Variants in MED13L observed in about 807,000 individuals in gnomAD.
MED13L encodes mediator complex subunit 13L, also known as mediator of RNA polymerase II transcription subunit 13-like.
MED13L carries 7 observed loss-of-function variants against 220.9 expected under a neutral mutation model. The observed-to-expected ratio is 0.03, with a 90% confidence interval of 0.02 to 0.06. MED13L has a LOEUF of 0.06. Ranked by LOEUF, MED13L falls within the 10% of genes least tolerant of loss-of-function variation. The pLI, the probability that MED13L is intolerant of heterozygous loss-of-function variation, is 1.00. For missense variants in MED13L, 1,965 were observed against 2,760.5 expected, an observed-to-expected ratio of 0.71 and a Z score of 6.46; for synonymous variants, 1,011 against 1,015.2, an observed-to-expected ratio of 1.00 and a Z score of 0.08.
intron 4 of MED13L, among the ~76,000 whole-genome samples, chr12:116,073,341 C>T (rs1215073738): frequency 6.6e-6 from 1 of 152,174 alleles, no homozygotes; most frequent in East Asian, 1.9e-4. Context: ...CTTGGGAAGT[C>T]TATTTGAGTT....
intron 2 of MED13L, among the ~76,000 whole-genome samples, chr12:116,112,045 A>C (rs1003753605): frequency 6.6e-6 from 1 of 152,158 alleles, no homozygotes; most frequent in Admixed American, 6.5e-5. Flanking sequence ...CAGAACATCA[A>C]ATTTATTTCC....
At chr12:116,032,534 C>T (rs1185713439) in intron 4 of MED13L, among the ~76,000 whole-genome samples, 1 of 152,174 alleles carries the variant, frequency 6.6e-6, no homozygotes, top group South Asian at 2.1e-4. Flanking sequence ...TGCATTCCAG[C>T]CTAATAAGCT....
chr12:116,004,787 A>G (rs749261464), intron 13 of MED13L, among the ~76,000 whole-genome samples: 1 of 152,162 alleles, frequency 6.6e-6, no homozygotes, highest in East Asian at 1.9e-4. Flanking sequence ...CTAAGTACTT[A>G]TAACAGTAAT....
intron 4 of MED13L, among the ~76,000 whole-genome samples, chr12:116,063,706 A>G (rs2137648500): frequency 6.6e-6 from 1 of 152,320 alleles, no homozygotes; most frequent in South Asian, 2.1e-4. Context: ...CCAAGGAAAA[A>G]AACTGTTTAT....
intron 2 of MED13L, among the ~76,000 whole-genome samples, chr12:116,128,255 C>G (rs867869893): frequency 3.9e-5 from 6 of 152,108 alleles, no homozygotes; most frequent in Non-Finnish European, 5.9e-5. Flanking sequence ...CATTGTGACC[C>G]TGAGGAAAAC....
intron 2 of MED13L, among the ~76,000 whole-genome samples, chr12:116,129,907 T>C (rs145705828): frequency 0.027 from 3,009 of 112,228 alleles, 51 homozygotes; most frequent in Middle Eastern, 0.08. Context: ...AGACTCAGTC[T>C]CAAAAAAAAA....
chr12:116,231,345 C>T (rs538204797), intron 2 of MED13L, among the ~76,000 whole-genome samples: 1 of 152,116 alleles, frequency 6.6e-6, no homozygotes, highest in Non-Finnish European at 1.5e-5. Flanking sequence ...TGATGTGATG[C>T]CGTGGAAAGG....
In MED13L at chr12:116,019,771, C is replaced by T; in HGVS notation, c.820+7G>A. Reference sequence around the variant, plus strand: ...TAAAGTTCTTCAGGCAAAATATTTTCTCTTACCAACAATTACTTCAACTGC... The same window carrying T: ...TAAAGTTCTTCAGGCAAAATATTTTTTCTTACCAACAATTACTTCAACTGC... On this transcript the variant is annotated splice_region_variant and intron_variant, in intron 6 of 30. Coordinates refer to ENST00000281928, the MANE Select transcript of MED13L (RefSeq NM_015335.5). 6.2e-7 allele frequency: 1 copy of T among 1,612,820 alleles called. No homozygotes were observed. Among genetic ancestry groups the T allele is most frequent in the Non-Finnish European group, 8.5e-7 (1 of 1,178,922 alleles).
At chr12:116,106,704 G>T (rs1873607650) in intron 3 of MED13L, among the ~76,000 whole-genome samples, 3 of 152,138 alleles carry the variant, frequency 2.0e-5, no homozygotes, top group Admixed American at 2.0e-4. Context: ...AAATTAGCCA[G>T]GTGTGGTGGT....
intron 18 of MED13L, 111 bp from the exon 19 acceptor site, chr12:115,986,600 A>G: frequency 2.0e-6 from 2 of 991,310 alleles, no homozygotes; most frequent in East Asian, 2.6e-5. Flanking sequence ...ATGTCACTCC[A>G]TGTTCACAAG....
At chr12:115,986,190 C>T (rs903149296) in intron 19 of MED13L, 76 bp downstream of exon 19, 1 of 1,413,986 alleles carries the variant, frequency 7.1e-7, no homozygotes, top group African/African-American at 1.4e-5. Flanking sequence ...AGACATTTGT[C>T]TTGAAATTTA....
intron 4 of MED13L, among the ~76,000 whole-genome samples, chr12:116,039,104 T>C (rs1196844492): frequency 1.3e-5 from 2 of 152,238 alleles, no homozygotes; most frequent in African/African-American, 4.8e-5. Context: ...CATAAAATTA[T>C]TTTCTGTGTC....
In MED13L at chr12:116,144,528, A is replaced by G. The variant is rs548284581; in HGVS notation, c.311-33016T>C. On this transcript the variant is annotated intron_variant, in intron 2 of 30. Transcript: ENST00000281928. ...AATCTTGGCTCAAAGCATGCTCAAT[A>G]TAAGTTCTGCATGTTTGTGGTTAAT... 3.9e-5 allele frequency among the ~76,000 whole-genome samples: 6 copies of G among 152,366 alleles called. No homozygotes were observed. In the East Asian group the frequency reaches 7.7e-4, roughly 20 times the overall value.
At chr12:116,241,896 G>A (rs1011013933) in intron 1 of MED13L, among the ~76,000 whole-genome samples, 1 of 152,000 alleles carries the variant, frequency 6.6e-6, no homozygotes, top group African/African-American at 2.4e-5. Context: ...TTAATGTTTG[G>A]TAAGAGAAAA....
At chr12:115,963,541 T>A in intron 29 of MED13L, 22 bp from the exon 30 acceptor site, 1 of 1,530,864 alleles carries the variant, frequency 6.5e-7, no homozygotes, top group Non-Finnish European at 9.0e-7. Context: ...ACAAAGAGAG[T>A]TACCTCTCTG....
intron 1 of MED13L, chr12:116,276,741 G>T: frequency 7.9e-7 from 1 of 1,273,060 alleles, no homozygotes; most frequent in Non-Finnish European, 1.0e-6. Context: ...AAGGGGAGGA[G>T]AAGGGGAGTG....
chr12:115,973,688 G>T (rs1876740538), intron 25 of MED13L, among the ~76,000 whole-genome samples: 1 of 152,158 alleles, frequency 6.6e-6, no homozygotes, highest in African/African-American at 2.4e-5. Context: ...AAAGCAGACT[G>T]GGGAGGAAGA....
At chr12:116,102,349 T>C (rs777254810) in intron 3 of MED13L, among the ~76,000 whole-genome samples, 1 of 152,222 alleles carries the variant, frequency 6.6e-6, no homozygotes, top group South Asian at 2.1e-4. Context: ...TTGGGAGGTA[T>C]AGAAGGCAGC....
intron 4 of MED13L, among the ~76,000 whole-genome samples, chr12:116,024,776 G>T (rs1161997076): frequency 8.1e-5 from 8 of 98,284 alleles, no homozygotes; most frequent in Non-Finnish European, 1.5e-4. Flanking sequence ...GGCGGGGCGG[G>T]GGGGGGGGGG....
Sources: allele counts gnomAD v4.1 joint callset (sites outside exome capture counted in the v4.1 genomes callset), GRCh38; gene constraint gnomAD v4.1.1; transcripts MANE v1.5; gene names NCBI Gene and HGNC (gene_info 2026-07-23, HGNC 2026-07-21).